Variants in DPP6 observed in about 807,000 individuals in gnomAD.
The protein encoded by DPP6 is A-type potassium channel modulatory protein DPP6.
Under a neutral mutation model 122.6 loss-of-function variants are expected in DPP6, and 69 were observed. The ratio of observed to expected loss-of-function variants is 0.56; its 90% confidence interval spans 0.46 to 0.69. DPP6 has a LOEUF of 0.69. Among genes scored for constraint, DPP6 ranks in the 30% least tolerant of loss-of-function variants. DPP6 has a pLI of 0.00. For missense variants in DPP6, 928 were observed against 1,116.9 expected (o/e 0.83, Z 2.41); for synonymous variants, 418 against 433.1 (o/e 0.97, Z 0.43).
At chr7:154,853,694 G>T (rs1584898773) in intron 16 of DPP6, 86 bp from the exon 17 acceptor site, 4 of 1,541,478 alleles carry the variant, frequency 2.6e-6, no homozygotes, top group Non-Finnish European at 3.5e-6. Flanking sequence ...TATCTACGTG[G>T]CATAAGAAAA....
chr7:153,753,047 A>G, the DPP6 span, among the ~76,000 whole-genome samples: 1 of 152,164 alleles, frequency 6.6e-6, no homozygotes, highest in African/African-American at 2.4e-5. Context: ...TATTACTTAT[A>G]TTATAATTTG....
chr7:154,101,125 G>T (rs1585378457), intron 1 of DPP6, among the ~76,000 whole-genome samples: 1 of 137,598 alleles, frequency 7.3e-6, no homozygotes, highest in Non-Finnish European at 1.6e-5. Flanking sequence ...CAACCTGAAT[G>T]CCATGTGGTG....
chr7:154,835,397 A>T (rs943834381), intron 16 of DPP6, among the ~76,000 whole-genome samples: 1 of 151,990 alleles, frequency 6.6e-6, no homozygotes, highest in African/African-American at 2.4e-5. Flanking sequence ...GAGACAATCT[A>T]TTTCTGTTGT....
intron 10 of DPP6, among the ~76,000 whole-genome samples, chr7:154,773,522 A>G (rs1359091174): frequency 2.0e-5 from 3 of 152,148 alleles, no homozygotes; most frequent in African/African-American, 7.2e-5. Flanking sequence ...TATTTTCCCC[A>G]AATTCAAGCA....
At chr7:153,795,560 T>A in the DPP6 span, among the ~76,000 whole-genome samples, 1 of 152,132 alleles carries the variant, frequency 6.6e-6, no homozygotes, top group Non-Finnish European at 1.5e-5. Context: ...GCTTTTGGTT[T>A]TATTTATTTT....
chr7:154,151,358 C>T (rs1372455749), intron 1 of DPP6, among the ~76,000 whole-genome samples: 1 of 152,210 alleles, frequency 6.6e-6, no homozygotes, highest in African/African-American at 2.4e-5. Flanking sequence ...ACCCTGTCCC[C>T]AGAGCCTCCT....
At chr7:154,809,414 ACAGT>A (rs1798903143) in intron 16 of DPP6, among the ~76,000 whole-genome samples, 1 of 152,184 alleles carries the variant, frequency 6.6e-6, no homozygotes, top group African/African-American at 2.4e-5. Flanking sequence ...TCAGTTAATC[ACAGT>A]CAGCCTTGTA....
At chr7:154,313,973 A>C (rs1807200828) in intron 1 of DPP6, among the ~76,000 whole-genome samples, 2 of 151,792 alleles carry the variant, frequency 1.3e-5, no homozygotes, top group Non-Finnish European at 1.5e-5. Context: ...GGCAGGTAAG[A>C]ACTATTTTGC....
At chr7:154,464,973 T>G (rs1821660713) in intron 2 of DPP6, among the ~76,000 whole-genome samples, 1 of 152,190 alleles carries the variant, frequency 6.6e-6, no homozygotes, top group Non-Finnish European at 1.5e-5. Context: ...ACTTATAAAT[T>G]AGGTGCAGTC....
the DPP6 span, among the ~76,000 whole-genome samples, chr7:153,836,757 T>G: frequency 3.1e-4 from 47 of 152,332 alleles, no homozygotes; most frequent in East Asian, 8.3e-3. Context: ...TTGATGTAAA[T>G]ATTTTAAGTT....
chr7:154,729,444 A>G (rs1430634853), intron 8 of DPP6, among the ~76,000 whole-genome samples: 1 of 152,216 alleles, frequency 6.6e-6, no homozygotes, highest in Non-Finnish European at 1.5e-5. Flanking sequence ...ATAAAGTTCT[A>G]TGACTTGATT....
chr7:154,568,663 T>G (rs1313212870), intron 5 of DPP6, among the ~76,000 whole-genome samples: 1 of 152,112 alleles, frequency 6.6e-6, no homozygotes, highest in Non-Finnish European at 1.5e-5. Context: ...TAAAGATCAT[T>G]TTGCTAAAGA....
intron 7 of DPP6, among the ~76,000 whole-genome samples, chr7:154,720,876 C>T (rs1393059270): frequency 1.3e-5 from 2 of 152,206 alleles, no homozygotes; most frequent in East Asian, 1.9e-4. Flanking sequence ...CTGCAGTCAC[C>T]GGGCAGCTGA....
At chr7:154,239,091 C>A (rs981631725) in intron 1 of DPP6, among the ~76,000 whole-genome samples, 4 of 152,172 alleles carry the variant, frequency 2.6e-5, no homozygotes, top group African/African-American at 9.7e-5. Flanking sequence ...CTAGCAAGCT[C>A]CACAAGAATG....
intron 1 of DPP6, among the ~76,000 whole-genome samples, chr7:154,178,270 C>T (rs1797904646): frequency 6.6e-6 from 1 of 152,140 alleles, no homozygotes; most frequent in African/African-American, 2.4e-5. Flanking sequence ...CCACCATTTG[C>T]TCAGGAAGCA....
intron 1 of DPP6, among the ~76,000 whole-genome samples, chr7:153,963,614 A>T (rs1400794666): frequency 1.3e-5 from 2 of 152,068 alleles, no homozygotes; most frequent in East Asian, 3.9e-4. Flanking sequence ...AGTGAGCATG[A>T]CTGCCCAAGC....
intron 4 of DPP6, among the ~76,000 whole-genome samples, chr7:154,561,881 GTTCACCA>G (rs1439267897): frequency 6.6e-6 from 1 of 152,108 alleles, no homozygotes; most frequent in Non-Finnish European, 1.5e-5. Context: ...AAGTATTACA[GTTCACCA>G]GTTAAGAAAT....
At chr7:154,003,553 AG>A (rs1337422122) in intron 1 of DPP6, among the ~76,000 whole-genome samples, 1 of 152,200 alleles carries the variant, frequency 6.6e-6, no homozygotes, top group Admixed American at 6.5e-5. Flanking sequence ...CCCAAGACTT[AG>A]TGGGCTTAAG....
rs1449134858 is a variant in DPP6, at chr7:154,863,337, T to C, written c.1715-4658T>C. Among the ~76,000 whole-genome samples, 1 of 150,030 alleles carries C rather than the reference T, an allele frequency of 6.7e-6. No individual in the cohort carries two copies. Among genetic ancestry groups the C allele is most frequent in the Non-Finnish European group, 1.5e-5 (1 of 67,882 alleles). ...TTGGCCCCAAGATTCTACAATCCTTTCATAGGATTTTTTTTTTTTTTTGAG... is the reference window on the plus strand; with the variant it reads ...TTGGCCCCAAGATTCTACAATCCTTCCATAGGATTTTTTTTTTTTTTTGAG... On this transcript the variant is annotated intron_variant, in intron 17 of 25. Transcript: ENST00000377770. The surrounding 1 kb of genome is among the most constrained non-coding windows in gnomAD (Gnocchi z 4.1).
Sources: allele counts gnomAD v4.1 joint callset (sites outside exome capture counted in the v4.1 genomes callset), GRCh38; gene constraint gnomAD v4.1.1; non-coding constraint Gnocchi (gnomAD v3.1); transcripts MANE v1.5; gene names NCBI Gene and HGNC (gene_info 2026-07-23, HGNC 2026-07-21).